AFF2: variants seen among roughly 807,000 people sequenced by gnomAD.
AFF2 encodes the protein ALF transcription elongation factor 2.
In AFF2, 14 loss-of-function variants were observed where a neutral mutation model predicts 76.9. That is an observed-to-expected ratio of 0.18 (90% CI 0.12 to 0.28). The LOEUF (loss-of-function observed/expected upper bound fraction) is 0.28, where lower values mean the gene tolerates loss of function less well. Among genes scored for constraint, AFF2 ranks in the 10% least tolerant of loss-of-function variants. The pLI is 1.00. For synonymous variants in AFF2, 398 were observed against 366.7 expected, an observed-to-expected ratio of 1.09 and a Z score of -0.98; for missense variants, 868 against 1,001.1, an observed-to-expected ratio of 0.87 and a Z score of 1.79.
chrX:148,809,193 A>G (rs2070173068), intron 3 of AFF2, among the ~76,000 whole-genome samples: 1 of 112,284 alleles, frequency 8.9e-6, no homozygotes, highest in South Asian at 3.8e-4. Flanking sequence ...ACTGTCTTAC[A>G]GCTGGTTGCT....
chrX:148,970,219 G>A (rs1393085945), intron 15 of AFF2, among the ~76,000 whole-genome samples: 2 of 112,128 alleles, frequency 1.8e-5, no homozygotes, highest in East Asian at 5.6e-4. Context: ...CTCCACAGTA[G>A]CTTACAGAAA....
chrX:148,525,178 G>GGA (rs1557235033), intron 1 of AFF2, among the ~76,000 whole-genome samples: 2 of 111,092 alleles, frequency 1.8e-5, no homozygotes, highest in African/African-American at 3.3e-5. Flanking sequence ...TGCATGTGCA[G>GGA]GAGAGAGAGA....
intron 9 of AFF2, among the ~76,000 whole-genome samples, chrX:148,940,591 T>C (rs2071822027): frequency 8.9e-6 from 1 of 112,071 alleles, no homozygotes; most frequent in Admixed American, 9.5e-5. Flanking sequence ...CTGCCAGTTC[T>C]TGGTGAAATG....
chrX:148,970,505 C>T (rs2072236725), intron 15 of AFF2, among the ~76,000 whole-genome samples: 1 of 111,749 alleles, frequency 8.9e-6, no homozygotes, highest in Non-Finnish European at 1.9e-5. Flanking sequence ...ATTCTTACAT[C>T]CTGCTATCAA....
chrX:148,658,899 T>A (rs1213516072), intron 2 of AFF2, among the ~76,000 whole-genome samples: 1 of 112,257 alleles, frequency 8.9e-6, no homozygotes, highest in Non-Finnish European at 1.9e-5. Context: ...AATTTTAATT[T>A]ATCCTGTTCA....
intron 3 of AFF2, among the ~76,000 whole-genome samples, chrX:148,730,643 T>C (rs2055209850): frequency 8.9e-6 from 1 of 112,869 alleles, no homozygotes; most frequent in Non-Finnish European, 1.9e-5. Flanking sequence ...GAACTATGTT[T>C]TTCAGAACAT....
At chrX:148,511,572 T>C (rs1359626537) in intron 1 of AFF2, among the ~76,000 whole-genome samples, 1 of 112,734 alleles carries the variant, frequency 8.9e-6, no homozygotes, top group African/African-American at 3.2e-5. Flanking sequence ...TATAAGATAA[T>C]TTGGTAGGGA....
At chrX:148,592,976 A>G (rs1305385899) in intron 1 of AFF2, among the ~76,000 whole-genome samples, 1 of 111,517 alleles carries the variant, frequency 9.0e-6, no homozygotes, top group Non-Finnish European at 1.9e-5. Context: ...TACTTGGAAA[A>G]CCAGAAACCT....
At chrX:148,580,350 C>G (rs1489620530) in intron 1 of AFF2, among the ~76,000 whole-genome samples, 1 of 110,888 alleles carries the variant, frequency 9.0e-6, no homozygotes. Flanking sequence ...GTAAAAGAAC[C>G]CCCAAGTAAA....
intron 3 of AFF2, among the ~76,000 whole-genome samples, chrX:148,776,412 C>T (rs782448428): frequency 1.2e-3 from 139 of 111,995 alleles, no homozygotes; most frequent in African/African-American, 3.7e-3. Flanking sequence ...ATTTCTGGTT[C>T]TAGATCCTTG....
Position 148,718,215 on chromosome X carries a change from A to G in AFF2, c.1041+55447A>G, listed in dbSNP as rs185987158. On this transcript the variant is annotated intron_variant, in intron 3 of 20. Coordinates refer to ENST00000370460, the MANE Select transcript of AFF2 (RefSeq NM_002025.4). ...GACATGCAAAAGAAAAAGTGAATTC[A>G]TTTAGAGAGAGATCATGTCCCTCTG... 3.3e-3 allele frequency among the ~76,000 whole-genome samples: 366 copies of G among 111,758 alleles called. 2 individuals are homozygous for G. The highest frequency in any genetic ancestry group is 6.5e-3 in the Admixed American group (69 of 10,539).
chrX:148,834,505 A>ATGTGTGTGTG (rs61709112), intron 4 of AFF2, among the ~76,000 whole-genome samples: 33 of 91,704 alleles, frequency 3.6e-4, no homozygotes, highest in African/African-American at 1.3e-3. Flanking sequence ...CCAGTCTCAG[A>ATGTGTGTGTG]TGTGTGTGTG....
intron 1 of AFF2, among the ~76,000 whole-genome samples, chrX:148,528,698 A>G (rs1360284892): frequency 9.0e-6 from 1 of 111,709 alleles, no homozygotes; most frequent in Non-Finnish European, 1.9e-5. Context: ...TTTCATAAGC[A>G]CTATAATACT....
intron 1 of AFF2, among the ~76,000 whole-genome samples, chrX:148,501,909 A>G (rs1353772883): frequency 1.8e-5 from 2 of 112,148 alleles, no homozygotes; most frequent in Non-Finnish European, 3.8e-5. Flanking sequence ...TCCAGCTCAG[A>G]TTCAAAGGTT....
At chrX:148,886,040 G>A (rs887195866) in intron 8 of AFF2, 55 bp downstream of exon 8, 6 of 953,142 alleles carry the variant, frequency 6.3e-6, no homozygotes, top group Middle Eastern at 2.7e-4. Context: ...GGAGGAACTG[G>A]AATGGCTTTG....
intron 7 of AFF2, among the ~76,000 whole-genome samples, chrX:148,850,526 C>CCA (rs1266244358): frequency 9.0e-6 from 1 of 110,910 alleles, no homozygotes; most frequent in African/African-American, 3.3e-5. Context: ...TAACACACCC[C>CCA]CACACACACA....
chrX:148,896,179 CAG>C (rs1385441699), intron 8 of AFF2, among the ~76,000 whole-genome samples: 11 of 110,902 alleles, frequency 9.9e-5, no homozygotes, highest in African/African-American at 3.6e-4. Flanking sequence ...CTCCTTAGCT[CAG>C]GGGAGCAGGT....
chrX:148,930,827 T>C (rs782290777), intron 9 of AFF2, among the ~76,000 whole-genome samples: 1 of 112,492 alleles, frequency 8.9e-6, no homozygotes, highest in Admixed American at 9.4e-5. Context: ...CTGCAGCTTC[T>C]GCTGGCTGAC....
chrX:148,766,324 A>G (rs376627720), intron 3 of AFF2, among the ~76,000 whole-genome samples: 5 of 110,123 alleles, frequency 4.5e-5, no homozygotes, highest in African/African-American at 1.7e-4. Flanking sequence ...CCCACCAACA[A>G]TGTAAAAGTG....
Sources: allele counts gnomAD v4.1 joint callset (sites outside exome capture counted in the v4.1 genomes callset), GRCh38; gene constraint gnomAD v4.1.1; transcripts MANE v1.5; gene names NCBI Gene and HGNC (gene_info 2026-07-23, HGNC 2026-07-21).